The following PIGN variants were observed in gnomAD, a reference collection of about 807,000 sequenced individuals.
The protein encoded by PIGN is GPI ethanolamine phosphate transferase 1.
A neutral mutation model predicts 125.4 loss-of-function variants in PIGN; 117 were observed. The observed-to-expected ratio is 0.93, with a 90% CI of 0.80 to 1.09. The LOEUF (loss-of-function observed/expected upper bound fraction) is 1.09. PIGN is among the 50% of genes least tolerant of loss of function. PIGN has a pLI of 0.00. For synonymous variants in PIGN, 392 were observed against 377.8 expected (o/e 1.04, Z -0.44); for missense variants, 1,075 against 1,094.9 (o/e 0.98, Z 0.26).
chr18:62,113,965 A>T (rs1568189940), intron 15 of PIGN, among the ~76,000 whole-genome samples: 1 of 152,182 alleles, frequency 6.6e-6, no homozygotes, highest in Non-Finnish European at 1.5e-5. Flanking sequence ...CAAGTGGCAA[A>T]CATATAGTAT....
chr18:62,082,981 C>A (rs2033522003), intron 27 of PIGN, among the ~76,000 whole-genome samples: 1 of 152,006 alleles, frequency 6.6e-6, no homozygotes, highest in Non-Finnish European at 1.5e-5. Context: ...CAGCAAACAT[C>A]AATACATATT....
chr18:62,036,861 G>A (rs1470250960), downstream of PIGN, among the ~76,000 whole-genome samples: 1 of 152,204 alleles, frequency 6.6e-6, no homozygotes, highest in East Asian at 1.9e-4. Context: ...TGGGACACGT[G>A]AGGGATTTGA....
At chr18:62,164,213 A>G (rs971507840) in intron 1 of PIGN, among the ~76,000 whole-genome samples, 13 of 152,324 alleles carry the variant, frequency 8.5e-5, no homozygotes, top group African/African-American at 3.1e-4. Flanking sequence ...ACTTAATTAC[A>G]AGAAGCTGGA....
At chr18:62,163,370 T>G (rs2037022184) in intron 2 of PIGN, among the ~76,000 whole-genome samples, 161 bp downstream of exon 2, 1 of 152,210 alleles carries the variant, frequency 6.6e-6, no homozygotes, top group South Asian at 2.1e-4. Context: ...CATATTTGCA[T>G]GGTGTTCTGG....
At chr18:62,169,473 AT>A (rs200012021) in intron 1 of PIGN, among the ~76,000 whole-genome samples, 2 of 122,176 alleles carry the variant, frequency 1.6e-5, no homozygotes, top group Admixed American at 9.3e-5. Context: ...TTTTTTTATT[AT>A]TTTTTTTTTG....
rs2036037568 is a variant in PIGN at position 62,139,016 on chromosome 18, A to T, written c.1083T>A (p.Phe361Leu). The T allele has an allele frequency of 6.2e-7, 1 of 1,609,988 alleles. No individual in the cohort carries two copies. The change falls in exon 13 of 31, where the codon TTT becomes TTA. Residue 361 changes from phenylalanine to leucine, a missense_variant. Physicochemically the swap from Phe to Leu is conservative, Grantham distance 22. Transcript: ENST00000640252. ...NTDLFKAESM[F>L]TNAVQILEQF... ...GTTCAAGAATCTGTACTGCATTTGTAAACATGCTCTCTGCTTTGAAGAGAT... is the reference window on the plus strand; with the variant it reads ...GTTCAAGAATCTGTACTGCATTTGTTAACATGCTCTCTGCTTTGAAGAGAT...
At chr18:62,050,736 T>C (rs1004861605) in intron 30 of PIGN, among the ~76,000 whole-genome samples, 5 of 152,262 alleles carry the variant, frequency 3.3e-5, no homozygotes, top group East Asian at 1.9e-4. Flanking sequence ...TCCAACACTA[T>C]GTTGAATAGG....
intron 28 of PIGN, among the ~76,000 whole-genome samples, chr18:62,077,326 T>C (rs1286246349): frequency 1.3e-5 from 2 of 152,016 alleles, no homozygotes; most frequent in Non-Finnish European, 2.9e-5. Flanking sequence ...TGCAATGAGA[T>C]CACACCACTG....
intron 25 of PIGN, among the ~76,000 whole-genome samples, chr18:62,085,544 T>C (rs1311501862): frequency 2.0e-5 from 3 of 152,078 alleles, no homozygotes; most frequent in African/African-American, 7.2e-5. Context: ...AGGTGGACCA[T>C]ATCTGTAGTG....
At position 62,139,041 on chromosome 18, in the gene PIGN, T is replaced by A; in HGVS notation, c.1058A>T (p.Asp353Val). Residue 353 changes from aspartate (D) to valine (V), a missense_variant, in exon 13 of 31, where the codon GAT becomes GTT. Physicochemically the swap from Asp to Val is radical, Grantham distance 152. This residue lies in a region of PIGN where 915 missense variants were observed against 908.7 expected (regional missense o/e 1.01). Transcript: ENST00000640252. ...ILPVDYLNNT[D>V]LFKAESMFTN... ...AAACATGCTCTCTGCTTTGAAGAGA[T>A]CAGTGTTGTTAAGATAATCCACAGG... is the stretch of plus-strand genomic sequence containing the variant. 1 of 1,608,162 alleles carries A rather than the reference T, an allele frequency of 6.2e-7. No homozygotes were observed. Among genetic ancestry groups the A allele is most frequent in the Non-Finnish European group, 8.5e-7 (1 of 1,176,418 alleles).
downstream of PIGN, among the ~76,000 whole-genome samples, chr18:62,039,816 C>G (rs1417542473): frequency 4.9e-5 from 3 of 61,170 alleles, no homozygotes; most frequent in African/African-American, 6.3e-5. Flanking sequence ...GCCCCATCGA[C>G]GATGCCGCAC....
At chr18:62,051,386 A>T (rs1241358840) in intron 30 of PIGN, among the ~76,000 whole-genome samples, 2 of 152,136 alleles carry the variant, frequency 1.3e-5, no homozygotes, top group Non-Finnish European at 2.9e-5. Flanking sequence ...AGAGCCTGTT[A>T]TTGGACTATT....
chr18:62,160,397 A>G (rs2036906219), intron 4 of PIGN, among the ~76,000 whole-genome samples: 1 of 152,198 alleles, frequency 6.6e-6, no homozygotes, highest in Admixed American at 6.5e-5. Flanking sequence ...AGGGCTCTAT[A>G]TTCTTTTACA....
At chr18:62,078,632 A>T (rs58162573) in intron 28 of PIGN, among the ~76,000 whole-genome samples, 1 of 152,228 alleles carries the variant, frequency 6.6e-6, no homozygotes. Context: ...TCTAATTTTA[A>T]GAAGGATAGG....
chr18:62,138,941 A>T, intron 13 of PIGN, 42 bp downstream of exon 13: 1 of 936,626 alleles, frequency 1.1e-6, no homozygotes, highest in Non-Finnish European at 1.7e-6. Context: ...AAATTGTAGT[A>T]TTGTCCATTT....
At chr18:62,121,577 T>C (rs1421306313) in intron 14 of PIGN, among the ~76,000 whole-genome samples, 1 of 152,112 alleles carries the variant, frequency 6.6e-6, no homozygotes, top group African/African-American at 2.4e-5. Context: ...ACATTTCCTA[T>C]CTATTTTTTT....
chr18:62,167,286 ATGTG>A (rs61310777), intron 1 of PIGN, among the ~76,000 whole-genome samples: 8,325 of 138,638 alleles, frequency 0.06, 279 homozygotes, highest in South Asian at 0.072. Flanking sequence ...AGAGATATAT[ATGTG>A]TGTGTGTGTG....
Position 62,086,725 on chromosome 18 carries a change from A to G in PIGN, c.2371-1461T>C, listed in dbSNP as rs374867778. The stretch of plus-strand genomic sequence containing the variant: ...CAAGAAACATCAGTGACTGTGTGAT[A>G]TTCAGATAAGGGAGACAAATAATTG... On this transcript the variant is annotated intron_variant, in intron 25 of 30. Coordinates refer to ENST00000640252, the MANE Select transcript of PIGN (RefSeq NM_176787.5). Among the ~76,000 whole-genome samples, 8 of 151,772 alleles carry G rather than the reference A, an allele frequency of 5.3e-5. No homozygotes were observed. The East Asian group carries it at 1.6e-3, about 29-fold the overall frequency.
At chr18:62,054,475 C>CT (rs149265252) in intron 30 of PIGN, among the ~76,000 whole-genome samples, 19 of 141,678 alleles carry the variant, frequency 1.3e-4, no homozygotes, top group Admixed American at 2.1e-4. Flanking sequence ...CAACAAAATA[C>CT]TTTTTTTTTT....
Sources: gnomAD v4.1 joint callset for allele counts (sites outside exome capture counted in the v4.1 genomes callset) on GRCh38, gnomAD v4.1.1 for gene constraint, gnomAD v4.1.1 regional missense constraint, MANE v1.5 for transcripts, NCBI Gene and HGNC (gene_info 2026-07-23, HGNC 2026-07-21) for gene names.